Variants in ST8SIA1 observed in about 807,000 individuals in gnomAD.
ST8SIA1 encodes ST8 alpha-N-acetyl-neuraminide alpha-2,8-sialyltransferase 1.
Under a neutral mutation model 35.9 loss-of-function variants are expected in ST8SIA1, and 16 were observed. That is an observed-to-expected ratio of 0.45 (90% CI 0.30 to 0.68). The LOEUF (loss-of-function observed/expected upper bound fraction) is 0.68, where lower values mean the gene tolerates loss of function less well. Among genes scored for constraint, ST8SIA1 ranks in the 30% least tolerant of loss-of-function variants. The pLI is 0.09. For synonymous variants in ST8SIA1, 170 were observed against 169.6 expected, an observed-to-expected ratio of 1.00 and a Z score of -0.02; for missense variants, 383 against 453.6, an observed-to-expected ratio of 0.84 and a Z score of 1.41.
intron 1 of ST8SIA1, among the ~76,000 whole-genome samples, chr12:22,303,633 G>A (rs988621678): frequency 3.3e-5 from 5 of 151,930 alleles, no homozygotes; most frequent in Non-Finnish European, 7.4e-5. Context: ...TGTTTGTTTT[G>A]TTTTGCTTAA....
chr12:22,232,173 GT>G (rs1455471906), intron 4 of ST8SIA1, among the ~76,000 whole-genome samples: 1 of 152,136 alleles, frequency 6.6e-6, no homozygotes, highest in African/African-American at 2.4e-5. Context: ...ACAAACCAGG[GT>G]ATATGAAAGT....
intron 4 of ST8SIA1, among the ~76,000 whole-genome samples, chr12:22,216,839 T>C (rs956031416): frequency 6.6e-6 from 1 of 152,224 alleles, no homozygotes; most frequent in East Asian, 1.9e-4. Flanking sequence ...TACCAAAATA[T>C]GGTATACAAA....
At chr12:22,231,976 T>C (rs1035385756) in intron 4 of ST8SIA1, among the ~76,000 whole-genome samples, 1 of 152,128 alleles carries the variant, frequency 6.6e-6, no homozygotes, top group Admixed American at 6.5e-5. Flanking sequence ...GCTACTGCTA[T>C]GGAAAAGAAT....
chr12:22,262,941 A>G (rs1865808698), intron 2 of ST8SIA1, among the ~76,000 whole-genome samples: 1 of 152,234 alleles, frequency 6.6e-6, no homozygotes, highest in Non-Finnish European at 1.5e-5. Flanking sequence ...AAAAATAACT[A>G]ACCTTAAATA....
chr12:22,232,555 C>T (rs908385714), intron 4 of ST8SIA1, among the ~76,000 whole-genome samples: 1 of 152,044 alleles, frequency 6.6e-6, no homozygotes, highest in African/African-American at 2.4e-5. Flanking sequence ...ATAGATTAGC[C>T]AAGCTGGGAG....
intron 4 of ST8SIA1, among the ~76,000 whole-genome samples, chr12:22,219,403 T>C (rs1865271961): frequency 6.6e-6 from 1 of 152,128 alleles, no homozygotes; most frequent in Non-Finnish European, 1.5e-5. Context: ...AAGACAGGGA[T>C]CCTTCTCTTG....
chr12:22,254,626 G>A (rs915424535), intron 3 of ST8SIA1, among the ~76,000 whole-genome samples: 1 of 152,218 alleles, frequency 6.6e-6, no homozygotes, highest in African/African-American at 2.4e-5. Flanking sequence ...CAGCAGTGCA[G>A]GCTGCTGCCC....
chr12:22,218,278 T>C (rs1169204964), intron 4 of ST8SIA1, among the ~76,000 whole-genome samples: 241 of 124,138 alleles, frequency 1.9e-3, no homozygotes, highest in Middle Eastern at 0.013. Context: ...GGGCCGAGAT[T>C]ATGCCATAGC....
chr12:22,325,906 G>C lies in ST8SIA1; in HGVS notation c.236+8091C>G, dbSNP rs368017223. ...AAGATGGATATTAAGTGACTCATGG[G>C]CAGCAAGTGTCAACAGTGTGGAGAC... On this transcript the variant is annotated intron_variant, in intron 1 of 4. Transcript: ENST00000396037. 101 of 700,226 alleles carry C rather than the reference G, an allele frequency of 1.4e-4. No individual in the cohort carries two copies. In the African/African-American group the frequency reaches 1.7e-3, roughly 12 times the overall value. The allele number at this position is 700,226 out of a possible 1,614,324, so 43.4% of individuals were successfully genotyped here.
At chr12:22,293,919 T>C (rs1045007425) in intron 1 of ST8SIA1, among the ~76,000 whole-genome samples, 12 of 152,204 alleles carry the variant, frequency 7.9e-5, no homozygotes, top group Admixed American at 5.9e-4. Context: ...CAGAGAAGTT[T>C]CTTATTCTAA....
At chr12:22,298,014 C>A (rs1167404618) in intron 1 of ST8SIA1, among the ~76,000 whole-genome samples, 2 of 152,052 alleles carry the variant, frequency 1.3e-5, no homozygotes, top group African/African-American at 4.8e-5. Context: ...ATCAATCATG[C>A]CTACATAATG....
chr12:22,198,607 G>C lies in ST8SIA1; in HGVS notation c.*2945C>G, dbSNP rs1865016716. The C allele has an allele frequency of 6.6e-6, 1 of 151,156 alleles. No individual in the cohort carries two copies. The highest frequency in any genetic ancestry group is 2.4e-5 in the African/African-American group (1 of 41,056). 9.4% of individuals were successfully genotyped at this position (151,156 alleles called of 1,614,324 possible). On this transcript the variant is annotated 3_prime_UTR_variant, in exon 5 of 5. Transcript: ENST00000396037. ...ATTATGTCCAAAAGGCATATGTATG[G>C]TGTATCTAGTGAGTTGTAATCTACC...
At chr12:22,249,382 C>G (rs1023721217) in intron 3 of ST8SIA1, among the ~76,000 whole-genome samples, 1 of 151,928 alleles carries the variant, frequency 6.6e-6, no homozygotes, top group Admixed American at 6.6e-5. Context: ...CCACACCCGG[C>G]TAATTTTTTT....
At chr12:22,272,635 T>C (rs1865924716) in intron 2 of ST8SIA1, among the ~76,000 whole-genome samples, 1 of 152,268 alleles carries the variant, frequency 6.6e-6, no homozygotes, top group Non-Finnish European at 1.5e-5. Context: ...ACTGGTATTA[T>C]AATAGCTGTG....
chr12:22,283,109 A>T (rs999694615), intron 2 of ST8SIA1, among the ~76,000 whole-genome samples: 3 of 152,184 alleles, frequency 2.0e-5, no homozygotes, highest in African/African-American at 7.2e-5. Flanking sequence ...GGAACATGAC[A>T]GGAGCCTACA....
chr12:22,298,383 G>A (rs1031653252), intron 1 of ST8SIA1, among the ~76,000 whole-genome samples: 2 of 152,148 alleles, frequency 1.3e-5, no homozygotes, highest in Non-Finnish European at 2.9e-5. Flanking sequence ...CATCCTGTGG[G>A]ATATGACTCT....
chr12:22,329,390 T>C (rs933269438), intron 1 of ST8SIA1, among the ~76,000 whole-genome samples: 2 of 152,178 alleles, frequency 1.3e-5, no homozygotes, highest in African/African-American at 4.8e-5. Flanking sequence ...CTAGGCCTGG[T>C]ATATTTTACG....
intron 2 of ST8SIA1, among the ~76,000 whole-genome samples, chr12:22,262,117 A>G (rs1865799909): frequency 6.6e-6 from 1 of 152,150 alleles, no homozygotes; most frequent in Non-Finnish European, 1.5e-5. Context: ...TAGGAAGGTG[A>G]AAAAAAGACA....
At chr12:22,224,089 T>C (rs1295330091) in intron 4 of ST8SIA1, among the ~76,000 whole-genome samples, 1 of 152,112 alleles carries the variant, frequency 6.6e-6, no homozygotes, top group Non-Finnish European at 1.5e-5. Context: ...AGCAGCATTG[T>C]TATCATTTCT....
Sources: gnomAD v4.1 joint callset for allele counts (sites outside exome capture counted in the v4.1 genomes callset) on GRCh38, gnomAD v4.1.1 for gene constraint, MANE v1.5 for transcripts, NCBI Gene and HGNC (gene_info 2026-07-23, HGNC 2026-07-21) for gene names.